TLN2: variants seen among roughly 807,000 people sequenced by gnomAD.
The protein encoded by TLN2 is talin 2.
Under a neutral mutation model 294.7 loss-of-function variants are expected in TLN2, and 118 were observed. The ratio of observed to expected loss-of-function variants is 0.40; its 90% CI spans 0.34 to 0.47. The LOEUF (loss-of-function observed/expected upper bound fraction) is 0.47, where lower values mean the gene tolerates loss of function less well. TLN2 is among the 20% of genes least tolerant of loss of function. The pLI is 0.84. For missense variants in TLN2, 3,083 were observed against 3,282.2 expected (o/e 0.94, Z 1.48); for synonymous variants, 1,431 against 1,304.5 (o/e 1.10, Z -2.09).
At chr15:62,424,922 G>A (rs1252704488) in intron 1 of TLN2, among the ~76,000 whole-genome samples, 3 of 145,418 alleles carry the variant, frequency 2.1e-5, no homozygotes, top group Non-Finnish European at 4.5e-5. Context: ...CGCAGTGTTG[G>A]CATCACAGGC....
chr15:62,711,619 T>G (rs549390179), intron 21 of TLN2, among the ~76,000 whole-genome samples: 2 of 152,270 alleles, frequency 1.3e-5, no homozygotes, highest in Admixed American at 6.5e-5. Flanking sequence ...CACGTAATTT[T>G]GTTCCCTGCC....
intron 1 of TLN2, among the ~76,000 whole-genome samples, chr15:62,425,217 T>C (rs1250939443): frequency 6.6e-6 from 1 of 152,162 alleles, no homozygotes; most frequent in Non-Finnish European, 1.5e-5. Flanking sequence ...CCTCCTGAAG[T>C]GCTGGGATTA....
intron 1 of TLN2, among the ~76,000 whole-genome samples, chr15:62,526,231 G>A (rs1452437947): frequency 6.6e-6 from 1 of 152,164 alleles, no homozygotes; most frequent in Non-Finnish European, 1.5e-5. Flanking sequence ...CCAGGTTCAA[G>A]CGATTCTCCT....
Position 62,707,140 on chromosome 15 carries a change from C to T in TLN2, c.2059C>T (p.Leu687=), listed in dbSNP as rs141602808. The stretch of plus-strand genomic sequence containing the variant: ...TGCCAATGCAGCTGCCATGTTGGTA[C>T]TAAAGGCAAAGAATGTTGCCCAAGT... ...AVANAAAMLV[L]KAKNVAQVAE... The change falls in exon 20 of 59, where the codon CTA becomes TTA. Residue 687 remains leucine (L), a synonymous_variant. Coordinates refer to ENST00000636159, the MANE Select transcript of TLN2 (RefSeq NM_015059.3). 66 of 1,614,070 alleles carry T rather than the reference C, an allele frequency of 4.1e-5. 1 individual carries two copies. The highest frequency in any genetic ancestry group is 5.3e-5 in the Non-Finnish European group (62 of 1,180,032).
chr15:62,695,277 T>C (rs1011358722), intron 14 of TLN2, among the ~76,000 whole-genome samples: 4 of 152,114 alleles, frequency 2.6e-5, no homozygotes, highest in Non-Finnish European at 5.9e-5. Flanking sequence ...CAATAACAAC[T>C]CCCTATGCAA....
chr15:62,680,657 T>C (rs72755868), intron 11 of TLN2, among the ~76,000 whole-genome samples: 15 of 152,142 alleles, frequency 9.9e-5, no homozygotes, highest in South Asian at 2.1e-4. Flanking sequence ...CAGTGAATTA[T>C]AAGATTTTAG....
At chr15:62,427,321 G>T (rs1184160561) in intron 1 of TLN2, among the ~76,000 whole-genome samples, 1 of 152,108 alleles carries the variant, frequency 6.6e-6, no homozygotes, top group Non-Finnish European at 1.5e-5. Context: ...TCTATGGCTG[G>T]GCACAGAAAA....
intron 1 of TLN2, among the ~76,000 whole-genome samples, chr15:62,578,799 A>G (rs1038556885): frequency 6.6e-6 from 1 of 152,106 alleles, no homozygotes; most frequent in Admixed American, 6.6e-5. Context: ...GGCCTTTTAC[A>G]GGGGAGCAGA....
intron 1 of TLN2, among the ~76,000 whole-genome samples, chr15:62,508,183 T>G (rs777680630): frequency 7.2e-5 from 11 of 152,200 alleles, no homozygotes; most frequent in Non-Finnish European, 1.5e-4. Flanking sequence ...GAGTGACTAT[T>G]TAAGCCCTAT....
chr15:62,455,864 G>A (rs62006664), intron 1 of TLN2, among the ~76,000 whole-genome samples: 6,912 of 152,090 alleles, frequency 0.045, 197 homozygotes, highest in Non-Finnish European at 0.067. Context: ...CTTCTCTACC[G>A]CCGCCACCTG....
At chr15:62,507,646 G>A (rs1305281707) in intron 1 of TLN2, among the ~76,000 whole-genome samples, 1 of 152,212 alleles carries the variant, frequency 6.6e-6, no homozygotes, top group Non-Finnish European at 1.5e-5. Context: ...TTAGTGCAGT[G>A]AGTTAATTGC....
At position 62,661,858 on chromosome 15, in the gene TLN2, G is replaced by A. The variant is rs144000398; in HGVS notation, c.788+3960G>A. On this transcript the variant is annotated intron_variant, in intron 9 of 58. Coordinates refer to ENST00000636159, the MANE Select transcript of TLN2 (RefSeq NM_015059.3). ...AAATAGACTGTAAGGCAAACAAAGCGTAAGTAGAGATAAAGAAGATTATAA... is the reference window on the plus strand; with the variant it reads ...AAATAGACTGTAAGGCAAACAAAGCATAAGTAGAGATAAAGAAGATTATAA... 7.9e-5 allele frequency among the ~76,000 whole-genome samples: 12 copies of A among 152,208 alleles called. 1 individual carries two copies. In the South Asian group the frequency reaches 1.0e-3, roughly 13 times the overall value.
At position 62,761,785 on chromosome 15, in the gene TLN2, T is replaced by G; in HGVS notation, c.4743T>G (p.Pro1581=). 4 of 1,614,138 alleles carry G rather than the reference T, an allele frequency of 2.5e-6. No individual in the cohort carries two copies. The highest frequency in any genetic ancestry group is 3.4e-6 in the Non-Finnish European group (4 of 1,179,994). Residue 1581 remains proline (P), a synonymous_variant, in exon 38 of 59, where the codon CCT becomes CCG. Transcript: ENST00000636159. ...ACCTGACAGCGTTCGCCTCAAACCC[T>G]GAGTTTGTCAGCATTCCTGCCCAGA... ...VENLTAFASN[P]EFVSIPAQIS...
intron 19 of TLN2, among the ~76,000 whole-genome samples, chr15:62,704,658 T>G (rs2058944397): frequency 6.6e-6 from 1 of 152,222 alleles, no homozygotes; most frequent in South Asian, 2.1e-4. Flanking sequence ...ATTCATATGA[T>G]GGGTGGTAGG....
intron 1 of TLN2, among the ~76,000 whole-genome samples, chr15:62,532,577 CTGCAATA>C (rs1319517102): frequency 6.6e-6 from 1 of 152,156 alleles, no homozygotes; most frequent in African/African-American, 2.4e-5. Flanking sequence ...AGAACAGTCC[CTGCAATA>C]CCCTTGCAAG....
chr15:62,797,113 A>C (rs1167023367), intron 47 of TLN2, 106 bp from the exon 48 acceptor site: 3 of 1,264,694 alleles, frequency 2.4e-6, no homozygotes, highest in Non-Finnish European at 3.3e-6. Flanking sequence ...CTCTTCTTCA[A>C]AGCCCTTTAA....
intron 12 of TLN2, among the ~76,000 whole-genome samples, chr15:62,690,718 G>T (rs1389072270): frequency 6.7e-6 from 1 of 149,752 alleles, no homozygotes; most frequent in African/African-American, 2.6e-5. Context: ...TCCAGCCTCG[G>T]CACCATTGAG....
At chr15:62,687,192 C>T (rs1567351938) in intron 12 of TLN2, among the ~76,000 whole-genome samples, 1 of 152,216 alleles carries the variant, frequency 6.6e-6, no homozygotes, top group African/African-American at 2.4e-5. Context: ...TTGTGATTAT[C>T]TTGCTGAGGA....
At chr15:62,548,020 G>C (rs1260584540) in intron 1 of TLN2, among the ~76,000 whole-genome samples, 1 of 152,170 alleles carries the variant, frequency 6.6e-6, no homozygotes, top group African/African-American at 2.4e-5. Context: ...CCTTTGCAAG[G>C]GGTTGCAAAC....
Sources: gnomAD v4.1 joint callset for allele counts (sites outside exome capture counted in the v4.1 genomes callset) on GRCh38, gnomAD v4.1.1 for gene constraint, MANE v1.5 for transcripts, NCBI Gene and HGNC (gene_info 2026-07-23, HGNC 2026-07-21) for gene names.